Variants in ENOX1 observed in about 807,000 individuals in gnomAD.
The protein encoded by ENOX1 is candidate growth-related and time keeping constitutive hydroquinone (NADH) oxidase.
A neutral mutation model predicts 82.5 loss-of-function variants in ENOX1; 42 were observed. That is an observed-to-expected ratio of 0.51 (90% CI 0.40 to 0.66). The LOEUF is 0.66. ENOX1 is among the 30% of genes least tolerant of loss of function. The pLI is 0.00. For synonymous variants in ENOX1, 271 were observed against 282.2 expected (o/e 0.96, Z 0.40); for missense variants, 608 against 811.6 (o/e 0.75, Z 3.05).
chr13:43,578,607 C>T (rs2080551942), intron 2 of ENOX1, among the ~76,000 whole-genome samples: 1 of 152,140 alleles, frequency 6.6e-6, no homozygotes, highest in Non-Finnish European at 1.5e-5. Context: ...AATCCCCTTG[C>T]TTTATTTCCT....
At chr13:43,478,054 G>GTTTTTTTTT (rs756717438) in intron 3 of ENOX1, among the ~76,000 whole-genome samples, 7 of 100,478 alleles carry the variant, frequency 7.0e-5, no homozygotes, top group Admixed American at 1.2e-4. Context: ...AGCCAGAGAG[G>GTTTTTTTTT]TTTTTTTTTT....
intron 5 of ENOX1, among the ~76,000 whole-genome samples, chr13:43,393,191 G>T (rs2052908930): frequency 6.6e-6 from 1 of 152,168 alleles, no homozygotes; most frequent in Admixed American, 6.5e-5. Flanking sequence ...ATAGTACTTT[G>T]CTCCTTTGGC....
chr13:43,368,353 T>A (rs1350780487), intron 5 of ENOX1, among the ~76,000 whole-genome samples: 1 of 152,236 alleles, frequency 6.6e-6, no homozygotes, highest in Non-Finnish European at 1.5e-5. Context: ...TTTGTGTCCA[T>A]GTTTGAAAAT....
intron 11 of ENOX1, chr13:43,321,221 CT>C (rs2047788451): frequency 6.7e-6 from 3 of 450,138 alleles, no homozygotes; most frequent in South Asian, 3.2e-5. Flanking sequence ...CTGGACTTCA[CT>C]TCCCCACACC....
intron 1 of ENOX1, among the ~76,000 whole-genome samples, chr13:43,690,329 T>C (rs1031724878): frequency 6.6e-6 from 1 of 151,126 alleles, no homozygotes; most frequent in African/African-American, 2.4e-5. Context: ...AAAACAAAAT[T>C]AGTAACCTCT....
intron 2 of ENOX1, among the ~76,000 whole-genome samples, chr13:43,504,580 C>T (rs915105289): frequency 1.3e-5 from 2 of 151,588 alleles, no homozygotes; most frequent in Non-Finnish European, 3.0e-5. Flanking sequence ...AGGAAAAATG[C>T]TACATGATAC....
intron 3 of ENOX1, among the ~76,000 whole-genome samples, chr13:43,438,206 C>T (rs2056148259): frequency 1.3e-5 from 2 of 152,080 alleles, no homozygotes; most frequent in Admixed American, 1.3e-4. Flanking sequence ...TGGGGAGTGA[C>T]AGGGTCAAAT....
At chr13:43,730,614 T>C (rs2089283700) in intron 1 of ENOX1, among the ~76,000 whole-genome samples, 1 of 152,174 alleles carries the variant, frequency 6.6e-6, no homozygotes, top group Non-Finnish European at 1.5e-5. Context: ...AACATCATAC[T>C]GGCTCCATCA....
intron 3 of ENOX1, among the ~76,000 whole-genome samples, chr13:43,445,102 G>T (rs1173114551): frequency 6.6e-6 from 1 of 150,982 alleles, no homozygotes. Flanking sequence ...CTATGTTCTA[G>T]AGAAATGTTT....
intron 1 of ENOX1, among the ~76,000 whole-genome samples, chr13:43,753,816 A>G (rs1950448230): frequency 6.6e-6 from 1 of 152,168 alleles, no homozygotes; most frequent in Admixed American, 6.6e-5. Context: ...CTAACCACAT[A>G]AGAGAAACTC....
chr13:43,383,850 C>G (rs962707633), intron 5 of ENOX1, among the ~76,000 whole-genome samples: 3 of 152,192 alleles, frequency 2.0e-5, no homozygotes, highest in African/African-American at 7.2e-5. Flanking sequence ...TTCTGGACAC[C>G]ACCCTGCAGG....
intron 1 of ENOX1, among the ~76,000 whole-genome samples, chr13:43,775,000 ATCATGCCCAG>A (rs1566911999): frequency 1.1e-4 from 17 of 152,140 alleles, no homozygotes; most frequent in African/African-American, 4.1e-4. Flanking sequence ...GGTGCCTGCC[ATCATGCCCAG>A]CTAATTTTTG....
rs112018601 is a variant in ENOX1, at chr13:43,570,936, C to G, written c.-218-86784G>C. Among the ~76,000 whole-genome samples the G allele has an allele frequency of 5.7e-3, 862 of 152,182 alleles. 8 individuals are homozygous for G. The highest frequency in any genetic ancestry group is 0.02 in the African/African-American group (827 of 41,498). ...CCCTTTTGTTGATAAATGCCTATTC[C>G]CTCATTTCTCATGTTTCTATAAAGG... On this transcript the variant is annotated intron_variant, in intron 2 of 16. Coordinates refer to ENST00000690772, the MANE Select transcript of ENOX1 (RefSeq NM_001347969.2).
In ENOX1 at chr13:43,453,952, G is replaced by A. The variant is rs946704059; in HGVS notation, c.-75+30057C>T. On this transcript the variant is annotated intron_variant, in intron 3 of 16. Coordinates refer to ENST00000690772, the MANE Select transcript of ENOX1 (RefSeq NM_001347969.2). The stretch of plus-strand genomic sequence containing the variant: ...GTTGGTTAGAGTAAGACTGGCAGAG[G>A]GTCCTGAGTTCTACTTTGCTATTAG... Among the ~76,000 whole-genome samples the A allele has an allele frequency of 3.3e-5, 5 of 152,014 alleles. No homozygotes were observed. The East Asian group carries it at 5.8e-4, about 18-fold the overall frequency.
chr13:43,772,749 T>TAAAAAAAAAAAAAAAAA (rs35359203), intron 1 of ENOX1, among the ~76,000 whole-genome samples: 46 of 112,046 alleles, frequency 4.1e-4, no homozygotes, highest in African/African-American at 1.4e-3. Context: ...ACTCTGTCTT[T>TAAAAAAAAAAAAAAAAA]AAAAAAAAAA....
At chr13:43,771,402 A>C (rs560294133) in intron 1 of ENOX1, among the ~76,000 whole-genome samples, 3 of 152,188 alleles carry the variant, frequency 2.0e-5, no homozygotes, top group African/African-American at 7.2e-5. Flanking sequence ...TATTCTAGTC[A>C]CTCCAGGCTC....
At chr13:43,224,927 G>C (rs1194139340) in intron 15 of ENOX1, among the ~76,000 whole-genome samples, 1 of 152,170 alleles carries the variant, frequency 6.6e-6, no homozygotes, top group Non-Finnish European at 1.5e-5. Context: ...TCAAAATAGT[G>C]AACATGAGGA....
At chr13:43,623,387 G>A (rs1209714007) in intron 2 of ENOX1, among the ~76,000 whole-genome samples, 1 of 152,142 alleles carries the variant, frequency 6.6e-6, no homozygotes, top group Non-Finnish European at 1.5e-5. Flanking sequence ...AGGCAGGAAT[G>A]GCCTGCTAGG....
chr13:43,538,403 A>G (rs1164518800), intron 2 of ENOX1, among the ~76,000 whole-genome samples: 2 of 152,210 alleles, frequency 1.3e-5, no homozygotes. Flanking sequence ...GGGTTAAATA[A>G]CATTCAGATT....
Sources: gnomAD v4.1 joint callset for allele counts (sites outside exome capture counted in the v4.1 genomes callset) on GRCh38, gnomAD v4.1.1 for gene constraint, MANE v1.5 for transcripts, NCBI Gene and HGNC (gene_info 2026-07-23, HGNC 2026-07-21) for gene names.